Variants in GALNT5 observed in about 807,000 individuals in gnomAD.
GALNT5 encodes polypeptide N-acetylgalactosaminyltransferase 5, also known as UDP-GalNAc:polypeptide N-acetylgalactosaminyltransferase 5.
A neutral mutation model predicts 85.4 loss-of-function variants in GALNT5; 72 were observed. The ratio of observed to expected loss-of-function variants is 0.84; its 90% CI spans 0.70 to 1.03. The LOEUF (loss-of-function observed/expected upper bound fraction) is 1.03, where lower values mean the gene tolerates loss of function less well. Among genes scored for constraint, GALNT5 ranks in the 50% least tolerant of loss-of-function variants. The pLI is 0.00. For missense variants in GALNT5, 1,137 were observed against 1,135.5 expected, an observed-to-expected ratio of 1.00 and a Z score of -0.02; for synonymous variants, 404 against 397.0, an observed-to-expected ratio of 1.02 and a Z score of -0.21.
rs1574007833 is a variant in GALNT5 at position 157,259,371 on chromosome 2, T to C, written c.1289T>C (p.Leu430Pro). 2 of 1,508,574 alleles carry C rather than the reference T, an allele frequency of 1.3e-6. No homozygotes were observed. Among genetic ancestry groups the C allele is most frequent in the African/African-American group, 1.4e-5 (1 of 71,792 alleles). 93.4% of individuals were successfully genotyped at this position (1,508,574 alleles called of 1,614,324 possible). A position where few individuals can be genotyped will look rare whatever the true frequency, so the allele number is the denominator to read the frequency against. ...THQVLRIDVT[L>P]SPRDPKAPGQ... The stretch of plus-strand genomic sequence containing the variant: ...CAGGTGTTAAGAATTGATGTGACAC[T>C]TTCTCCAAGGGACCCCAAAGCTCCA... Residue 430 changes from leucine to proline, a missense_variant, in exon 1 of 10, where the codon CTT becomes CCT. Coordinates refer to ENST00000259056, the MANE Select transcript of GALNT5 (RefSeq NM_014568.3).
In GALNT5 at chr2:157,314,080, T is replaced by C. The variant is rs13008206; in HGVS notation, c.*2732T>C. On this transcript the variant is annotated 3_prime_UTR_variant, in exon 10 of 10. Transcript: ENST00000259056. ...GAATAAAGGTATACATGCTACTCGGTCTTCTGGTAATTCTAGTGATAAACC... is the reference window on the plus strand; with the variant it reads ...GAATAAAGGTATACATGCTACTCGGCCTTCTGGTAATTCTAGTGATAAACC... 1 of 152,068 alleles carries C rather than the reference T, an allele frequency of 6.6e-6. No homozygotes were observed. Among genetic ancestry groups the C allele is most frequent in the South Asian group, 2.1e-4 (1 of 4,820 alleles). The allele number at this position is 152,068 out of a possible 1,614,324, so 9.4% of individuals were successfully genotyped here.
rs1228239748 is a variant in GALNT5 at position 157,295,772 on chromosome 2, C to T, written c.1851C>T (p.Ile617=). 6.8e-6 allele frequency: 11 copies of T among 1,607,964 alleles called. No individual in the cohort carries two copies. The highest frequency in any genetic ancestry group is 3.3e-5 in the Admixed American group (2 of 59,892). Reference sequence around the variant, plus strand: ...GAAAGAAAGTGGCCTGTCCAGTAATCGAAGTCATCAATGATAAGGATATGA... The same window carrying T: ...GAAAGAAAGTGGCCTGTCCAGTAATTGAAGTCATCAATGATAAGGATATGA... ...LSRKKVACPV[I]EVINDKDMSY... Residue 617 remains isoleucine (I), a synonymous_variant, in exon 4 of 10, where the codon ATC becomes ATT. Coordinates refer to ENST00000259056, the MANE Select transcript of GALNT5 (RefSeq NM_014568.3).
intron 1 of GALNT5, among the ~76,000 whole-genome samples, chr2:157,275,460 G>A (rs1419492488): frequency 6.6e-6 from 1 of 152,180 alleles, no homozygotes; most frequent in Non-Finnish European, 1.5e-5. Flanking sequence ...TCCTATCCAT[G>A]AGCATGGAAT....
intron 7 of GALNT5, chr2:157,301,990 G>A (rs1451234581): frequency 6.6e-6 from 1 of 152,254 alleles, no homozygotes; most frequent in African/African-American, 2.4e-5. Flanking sequence ...ATTTGAAGAG[G>A]ATGGTAAGAC....
chr2:157,263,438 T>C (rs900822108), intron 1 of GALNT5, among the ~76,000 whole-genome samples: 4 of 152,336 alleles, frequency 2.6e-5, no homozygotes, highest in Middle Eastern at 3.4e-3. Flanking sequence ...TCCTTCCACC[T>C]GGACCATGAG....
intron 1 of GALNT5, among the ~76,000 whole-genome samples, chr2:157,273,601 T>A (rs1682642934): frequency 6.7e-6 from 1 of 149,674 alleles, no homozygotes; most frequent in Non-Finnish European, 1.5e-5. Context: ...CCATTTTAAA[T>A]TTTTTATTTG....
At chr2:157,261,166 A>G (rs1220016773) in intron 1 of GALNT5, among the ~76,000 whole-genome samples, 1 of 152,118 alleles carries the variant, frequency 6.6e-6, no homozygotes, top group East Asian at 1.9e-4. Flanking sequence ...CCGTTAAAGC[A>G]GTTTCATTTT....
At chr2:157,279,992 T>C (rs761593538) in intron 1 of GALNT5, among the ~76,000 whole-genome samples, 6 of 152,250 alleles carry the variant, frequency 3.9e-5, no homozygotes, top group Admixed American at 2.6e-4. Flanking sequence ...GAGATGGGGT[T>C]TCTCCATGTT....
intron 1 of GALNT5, among the ~76,000 whole-genome samples, chr2:157,274,572 A>G (rs562423200): frequency 6.6e-6 from 1 of 152,322 alleles, no homozygotes; most frequent in East Asian, 1.9e-4. Context: ...CATTTCTCTG[A>G]TGACCAGTGA....
chr2:157,274,958 T>G (rs1682686417), intron 1 of GALNT5, among the ~76,000 whole-genome samples: 1 of 152,198 alleles, frequency 6.6e-6, no homozygotes, highest in Non-Finnish European at 1.5e-5. Context: ...GTTTTTACGG[T>G]TTTAGGTCTA....
intron 1 of GALNT5, among the ~76,000 whole-genome samples, chr2:157,264,385 T>C (rs1366065605): frequency 6.6e-6 from 1 of 152,224 alleles, no homozygotes; most frequent in African/African-American, 2.4e-5. Flanking sequence ...TGCCAGCATT[T>C]AGTTTTTAAA....
In GALNT5 at chr2:157,307,597, G is replaced by A. The variant is rs185102958; in HGVS notation, c.2521-970G>A. ...AGGTCGGTGATGTGGCTGAGACTCC[G>A]CACTTCTAAGTAGCTCCCAGCTGAT... is the stretch of plus-strand genomic sequence containing the variant. On this transcript the variant is annotated intron_variant, in intron 8 of 9. Coordinates refer to ENST00000259056, the MANE Select transcript of GALNT5 (RefSeq NM_014568.3). Among the ~76,000 whole-genome samples the A allele has an allele frequency of 3.9e-5, 6 of 152,234 alleles. No individual in the cohort carries two copies. The East Asian group carries it at 7.7e-4, about 20-fold the overall frequency.
chr2:157,282,880 A>C (rs1317081843), intron 1 of GALNT5, among the ~76,000 whole-genome samples: 1 of 152,238 alleles, frequency 6.6e-6, no homozygotes, highest in African/African-American at 2.4e-5. Flanking sequence ...TGTTATGAAG[A>C]CTGAATTCAA....
chr2:157,284,204 T>C (rs2105142709), intron 1 of GALNT5, 78 bp from the exon 2 acceptor site: 1 of 1,146,730 alleles, frequency 8.7e-7, no homozygotes, highest in East Asian at 2.3e-5. Context: ...ATGCACACCA[T>C]CGCACTCTGT....
At chr2:157,306,670 T>C (rs1192219300) in intron 8 of GALNT5, among the ~76,000 whole-genome samples, 8 of 152,248 alleles carry the variant, frequency 5.3e-5, no homozygotes, top group Non-Finnish European at 1.2e-4. Context: ...AGAGATTATT[T>C]TGCAATGGTA....
In GALNT5 at chr2:157,314,404, G is replaced by T. The variant is rs150819275; in HGVS notation, c.*3056G>T. On this transcript the variant is annotated 3_prime_UTR_variant, in exon 10 of 10. Coordinates refer to ENST00000259056, the MANE Select transcript of GALNT5 (RefSeq NM_014568.3). The stretch of plus-strand genomic sequence containing the variant: ...TACTCTCTTGTAAGCTGACACAGTT[G>T]TTGTTGGTACAATCTTGTTCTATCA... 6.6e-6 allele frequency among the ~76,000 whole-genome samples: 1 copy of T among 152,116 alleles called. No individual in the cohort carries two copies. Among genetic ancestry groups the T allele is most frequent in the African/African-American group, 2.4e-5 (1 of 41,436 alleles).
In GALNT5 at chr2:157,266,148, C is replaced by T. The variant is rs752443637; in HGVS notation, c.1454+6612C>T. Among the ~76,000 whole-genome samples the T allele has an allele frequency of 7.2e-5, 11 of 152,170 alleles. No individual in the cohort carries two copies. In the South Asian group the frequency reaches 8.3e-4, roughly 11 times the overall value. Reference sequence around the variant, plus strand: ...CATTGCCTATCAATCAGGAGCGGTGCGCCATGCCAGGCAGTTGAGGCCTTT... The same window carrying T: ...CATTGCCTATCAATCAGGAGCGGTGTGCCATGCCAGGCAGTTGAGGCCTTT... On this transcript the variant is annotated intron_variant, in intron 1 of 9. Transcript: ENST00000259056.
At chr2:157,264,078 G>A (rs1682406448) in intron 1 of GALNT5, among the ~76,000 whole-genome samples, 1 of 151,992 alleles carries the variant, frequency 6.6e-6, no homozygotes, top group Admixed American at 6.6e-5. Flanking sequence ...GACAGTTAAA[G>A]TTCCATATTT....
chr2:157,310,565 T>C (rs1451612340), intron 9 of GALNT5, among the ~76,000 whole-genome samples: 3 of 152,216 alleles, frequency 2.0e-5, no homozygotes, highest in East Asian at 1.9e-4. Context: ...TTTGTCATAG[T>C]CATACGTAAT....
Sources: gnomAD v4.1 joint callset for allele counts (sites outside exome capture counted in the v4.1 genomes callset) on GRCh38, gnomAD v4.1.1 for gene constraint, MANE v1.5 for transcripts, NCBI Gene and HGNC (gene_info 2026-07-23, HGNC 2026-07-21) for gene names.